Variants in C2orf76 observed in about 807,000 individuals in gnomAD.
C2orf76 encodes UPF0538 protein C2orf76.
C2orf76 carries 23 observed loss-of-function variants against 16.9 expected under a neutral mutation model. That is an observed-to-expected ratio of 1.36 (90% confidence interval 0.98 to 1.93). C2orf76 has a LOEUF of 1.93. C2orf76 is among the 30% of genes most tolerant of loss of function. The pLI is 0.00. For missense variants in C2orf76, 152 were observed against 152.6 expected, an observed-to-expected ratio of 1.00 and a Z score of 0.02; for synonymous variants, 48 against 52.3, an observed-to-expected ratio of 0.92 and a Z score of 0.35.
At chr2:119,340,464 G>A (rs993393280) in intron 1 of C2orf76, 1 of 153,158 alleles carries the variant, frequency 6.5e-6, no homozygotes, top group Non-Finnish European at 1.5e-5. Flanking sequence ...ATATACGATG[G>A]TGTTACCGTC....
At chr2:119,360,358 T>A (rs575224653) in intron 1 of C2orf76, among the ~76,000 whole-genome samples, 1 of 150,804 alleles carries the variant, frequency 6.6e-6, no homozygotes, top group African/African-American at 2.4e-5. Flanking sequence ...ATGCCTGCAA[T>A]CCCAGCTATT....
At position 119,312,635 on chromosome 2, in the gene C2orf76, T is replaced by A. The variant is rs572152246; in HGVS notation, c.223-932A>T. ...ACATCTGGTTCCATGTCACATTAATTGGAATATTTCTCTATGTGATTTGGG... is the reference window on the plus strand; with the variant it reads ...ACATCTGGTTCCATGTCACATTAATAGGAATATTTCTCTATGTGATTTGGG... On this transcript the variant is annotated intron_variant, in intron 4 of 5. Coordinates refer to ENST00000334816, the MANE Select transcript of C2orf76 (RefSeq NM_001322331.2). Among the ~76,000 whole-genome samples the A allele has an allele frequency of 4.6e-5, 7 of 152,304 alleles. No homozygotes were observed. The East Asian group carries it at 1.4e-3, about 29-fold the overall frequency.
intron 5 of C2orf76, among the ~76,000 whole-genome samples, chr2:119,306,429 A>C (rs1408100475): frequency 6.6e-6 from 1 of 152,162 alleles, no homozygotes; most frequent in African/African-American, 2.4e-5. Flanking sequence ...TTATTACAGG[A>C]CCTGGCTTGC....
At chr2:119,366,946 C>G, upstream of C2orf76, 1 of 1,426,368 alleles carries the variant, frequency 7.0e-7, no homozygotes, top group Non-Finnish European at 9.8e-7. Flanking sequence ...AGGGTTGGGG[C>G]GAGTGGACCG....
intron 2 of C2orf76, among the ~76,000 whole-genome samples, chr2:119,324,535 C>A (rs1040617945): frequency 6.6e-6 from 1 of 152,178 alleles, no homozygotes; most frequent in South Asian, 2.1e-4. Flanking sequence ...GGGCAGGGAC[C>A]ACAGCCTGTT....
chr2:119,312,605 A>G (rs1679030697), intron 4 of C2orf76, among the ~76,000 whole-genome samples: 1 of 152,178 alleles, frequency 6.6e-6, no homozygotes, highest in South Asian at 2.1e-4. Flanking sequence ...TGCCCAAGCT[A>G]AAAAACATCT....
intron 1 of C2orf76, among the ~76,000 whole-genome samples, chr2:119,349,741 C>A (rs1463672076): frequency 6.6e-6 from 1 of 152,130 alleles, no homozygotes; most frequent in African/African-American, 2.4e-5. Context: ...CTGGGCTCCT[C>A]CTCTCCCCCA....
At chr2:119,291,140 C>G in the C2orf76 span, among the ~76,000 whole-genome samples, 1 of 151,976 alleles carries the variant, frequency 6.6e-6, no homozygotes, top group Admixed American at 6.6e-5. Context: ...CTCCGCGTAA[C>G]GAGGCTCTGC....
intron 3 of C2orf76, among the ~76,000 whole-genome samples, chr2:119,319,390 T>G (rs1573635416): frequency 6.6e-6 from 1 of 152,214 alleles, no homozygotes; most frequent in African/African-American, 2.4e-5. Context: ...CTTTCTGTGT[T>G]GAATAAGCTG....
At chr2:119,346,564 T>C (rs578169733) in intron 1 of C2orf76, among the ~76,000 whole-genome samples, 4 of 152,236 alleles carry the variant, frequency 2.6e-5, no homozygotes, top group Non-Finnish European at 5.9e-5. Context: ...TATAATTCCA[T>C]TTTTATGTCA....
chr2:119,308,350 C>T (rs1054559434), intron 5 of C2orf76, among the ~76,000 whole-genome samples: 9 of 152,114 alleles, frequency 5.9e-5, no homozygotes, highest in African/African-American at 9.7e-5. Context: ...CATTTTAAAA[C>T]AATAATGGGG....
downstream of C2orf76, chr2:119,302,202 A>C (rs1259145676): frequency 1.6e-5 from 4 of 255,534 alleles, no homozygotes; most frequent in African/African-American, 8.9e-5. Flanking sequence ...ACAAATTATA[A>C]TTTAAGAATC....
At chr2:119,341,298 C>T (rs1162454059) in intron 1 of C2orf76, among the ~76,000 whole-genome samples, 1 of 152,118 alleles carries the variant, frequency 6.6e-6, no homozygotes, top group African/African-American at 2.4e-5. Context: ...TGTGAGCCAC[C>T]ATGCCCAGCA....
intron 1 of C2orf76, among the ~76,000 whole-genome samples, chr2:119,347,455 T>C (rs1445546585): frequency 1.3e-5 from 2 of 152,216 alleles, no homozygotes; most frequent in Non-Finnish European, 2.9e-5. Context: ...TTATATGATA[T>C]TATGGTTGTG....
chr2:119,348,652 C>G (rs1422840511), intron 1 of C2orf76, among the ~76,000 whole-genome samples: 1 of 151,842 alleles, frequency 6.6e-6, no homozygotes, highest in Non-Finnish European at 1.5e-5. Context: ...TGCCACTGTA[C>G]TCCAGCCTGG....
At chr2:119,364,025 TAGAGAG>T (rs35180651) in intron 1 of C2orf76, among the ~76,000 whole-genome samples, 3 of 143,770 alleles carry the variant, frequency 2.1e-5, no homozygotes. Context: ...CTCAAAAAAA[TAGAGAG>T]AGAGAGAGAG....
At position 119,325,230 on chromosome 2, in the gene C2orf76, C is replaced by T. The variant is rs1326132181; in HGVS notation, c.134-4026G>A. ...ATCCCAGCACTTTGGGAGGCCGAGG[C>T]GGTTGGGCCACCTGAGGTCAAGAGT... is the stretch of plus-strand genomic sequence containing the variant. On this transcript the variant is annotated intron_variant, in intron 2 of 5. Coordinates refer to ENST00000334816, the MANE Select transcript of C2orf76 (RefSeq NM_001322331.2). 3.3e-5 allele frequency among the ~76,000 whole-genome samples: 5 copies of T among 151,848 alleles called. No individual in the cohort carries two copies. In the East Asian group the frequency reaches 7.7e-4, roughly 24 times the overall value.
intron 3 of C2orf76, among the ~76,000 whole-genome samples, chr2:119,320,502 G>A (rs1679308546): frequency 6.6e-6 from 1 of 151,960 alleles, no homozygotes; most frequent in Admixed American, 6.6e-5. Context: ...ATATTAAAAT[G>A]CATACACACG....
chr2:119,315,213 G>A (rs1331481702), intron 4 of C2orf76, among the ~76,000 whole-genome samples: 1 of 151,974 alleles, frequency 6.6e-6, no homozygotes, highest in Non-Finnish European at 1.5e-5. Context: ...CACACACAGA[G>A]GAGGCTCGGG....
Sources: gnomAD v4.1 joint callset for allele counts (sites outside exome capture counted in the v4.1 genomes callset) on GRCh38, gnomAD v4.1.1 for gene constraint, MANE v1.5 for transcripts, NCBI Gene and HGNC (gene_info 2026-07-23, HGNC 2026-07-21) for gene names.